The following MTM1 variants were observed in gnomAD, a reference collection of about 807,000 sequenced individuals.
MTM1 encodes the protein myotubularin 1.
MTM1 carries 9 observed loss-of-function variants against 52.1 expected under a neutral mutation model. The ratio of observed to expected loss-of-function variants is 0.17; its 90% CI spans 0.10 to 0.30. The LOEUF (loss-of-function observed/expected upper bound fraction) is 0.30. Among genes scored for constraint, MTM1 ranks in the 10% least tolerant of loss-of-function variants. The probability of loss-of-function intolerance (pLI) is 1.00; values close to 1 mark genes in which losing one functional copy is unlikely to be tolerated. For missense variants in MTM1, 277 were observed against 470.7 expected (o/e 0.59, Z 3.81); for synonymous variants, 136 against 163.8 (o/e 0.83, Z 1.29).
intron 4 of MTM1, among the ~76,000 whole-genome samples, chrX:150,613,136 TA>T (rs782155099): frequency 0.013 from 1,131 of 90,294 alleles, 15 homozygotes; most frequent in African/African-American, 0.035. Context: ...ACTTATCTCT[TA>T]AAAAAAAAAA....
In MTM1 at chrX:150,583,648, TTA is replaced by T. The variant is rs1222049832; in HGVS notation, c.-10-8949_-10-8948del. Among the ~76,000 whole-genome samples, 90 of 37,358 alleles carry T rather than the reference TTA, an allele frequency of 2.4e-3. 9 individuals carry two copies. Among genetic ancestry groups the T allele is most frequent in the African/African-American group, 7.4e-3 (67 of 9,101 alleles). 32.4% of individuals were successfully genotyped at this position (37,358 alleles called of 115,157 possible). A position where few individuals can be genotyped will look rare whatever the true frequency, so the allele number is the denominator to read the frequency against. The stretch of plus-strand genomic sequence containing the variant: ...ATATAATTTATATATAATATATAAT[TTA>T]TATATATTATATATAATTTATATAT... On this transcript the variant is annotated intron_variant, in intron 1 of 14. Transcript: ENST00000370396.
intron 1 of MTM1, among the ~76,000 whole-genome samples, chrX:150,569,110 C>A (rs1216863059): frequency 8.8e-6 from 1 of 113,785 alleles, no homozygotes; most frequent in African/African-American, 3.2e-5. Flanking sequence ...CGTCGCATCC[C>A]CGGTGGGCCC....
At chrX:150,637,664 G>A (rs1557413727) in intron 6 of MTM1, among the ~76,000 whole-genome samples, 1 of 112,146 alleles carries the variant, frequency 8.9e-6, no homozygotes. Context: ...GTCGGAGAAG[G>A]TCTTACTGAT....
At chrX:150,665,854 A>G (rs1557414913) in intron 14 of MTM1, among the ~76,000 whole-genome samples, 1 of 112,366 alleles carries the variant, frequency 8.9e-6, no homozygotes, top group Non-Finnish European at 1.9e-5. Flanking sequence ...TGTCAAAAGC[A>G]TAGTCATATT....
At chrX:150,596,230 C>G (rs1281393737) in intron 2 of MTM1, among the ~76,000 whole-genome samples, 1 of 111,869 alleles carries the variant, frequency 8.9e-6, no homozygotes, top group African/African-American at 3.3e-5. Flanking sequence ...AAGCTGTTAA[C>G]TTTAAAGTGC....
intron 6 of MTM1, among the ~76,000 whole-genome samples, chrX:150,624,660 A>AAATAG (rs1485321410): frequency 8.9e-6 from 1 of 112,103 alleles, no homozygotes; most frequent in Non-Finnish European, 1.9e-5. Flanking sequence ...CAGCATTTTA[A>AAATAG]AATAGAATAG....
Position 150,671,803 on chromosome X carries a change from T to C in MTM1, c.*208T>C. On this transcript the variant is annotated 3_prime_UTR_variant, in exon 15 of 15. Transcript: ENST00000370396. ...GGCAATCAGAAGAAAGGAGCTGAGA[T>C]GAGGTTTTGGAAAACCCTGACACCT... 1 of 465,864 alleles carries C rather than the reference T, an allele frequency of 2.1e-6. No homozygotes were observed. Among genetic ancestry groups the C allele is most frequent in the Non-Finnish European group, 3.6e-6 (1 of 280,181 alleles). The allele number at this position is 465,864 out of a possible 1,213,427, so 38.4% of individuals were successfully genotyped here. A position where few individuals can be genotyped will look rare whatever the true frequency, so the allele number is the denominator to read the frequency against.
At chrX:150,670,436 C>A (rs2040377407) in intron 14 of MTM1, among the ~76,000 whole-genome samples, 1 of 112,125 alleles carries the variant, frequency 8.9e-6, no homozygotes, top group African/African-American at 3.2e-5. Context: ...GGGGGCAAAC[C>A]CAGCATTCAT....
rs782215359 is a variant in MTM1, at chrX:150,589,993, A to AATTC, written c.-10-2608_-10-2605dup. On this transcript the variant is annotated intron_variant, in intron 1 of 14. Coordinates refer to ENST00000370396, the MANE Select transcript of MTM1 (RefSeq NM_000252.3). ...GTTCCAAGCCCTGCATGAATGTATT[A>AATTC]ATTCATTTGTTTCACCTAATAATGT... Among the ~76,000 whole-genome samples the AATTC allele has an allele frequency of 4.0e-3, 449 of 111,704 alleles. 3 individuals are homozygous for AATTC. Among genetic ancestry groups the AATTC allele is most frequent in the Non-Finnish European group, 5.8e-3 (308 of 53,163 alleles).
intron 1 of MTM1, among the ~76,000 whole-genome samples, chrX:150,570,423 T>G (rs993317932): frequency 1.8e-5 from 2 of 111,748 alleles, no homozygotes; most frequent in Non-Finnish European, 3.8e-5. Context: ...AGTAAATCTC[T>G]GAATCAAAGA....
At chrX:150,670,825 C>T (rs781861749) in intron 14 of MTM1, among the ~76,000 whole-genome samples, 3 of 111,432 alleles carry the variant, frequency 2.7e-5, no homozygotes, top group African/African-American at 6.5e-5. Flanking sequence ...AACACACTAC[C>T]GAGGAGCCCT....
At chrX:150,573,779 A>G (rs187883459) in intron 1 of MTM1, among the ~76,000 whole-genome samples, 2 of 112,052 alleles carry the variant, frequency 1.8e-5, no homozygotes, top group East Asian at 5.6e-4. Flanking sequence ...CTATGCTGGA[A>G]TCCAGCAGGC....
chrX:150,670,976 T>C (rs1275247350), intron 14 of MTM1, among the ~76,000 whole-genome samples: 1 of 112,020 alleles, frequency 8.9e-6, no homozygotes, highest in Non-Finnish European at 1.9e-5. Flanking sequence ...ACCAGTGATG[T>C]AAACTTTGAT....
intron 1 of MTM1, among the ~76,000 whole-genome samples, chrX:150,577,682 C>T (rs1299557707): frequency 8.9e-6 from 1 of 112,308 alleles, no homozygotes; most frequent in Non-Finnish European, 1.9e-5. Context: ...AGTACTTCAT[C>T]AGATATGTGA....
chrX:150,590,974 A>G lies in MTM1; in HGVS notation c.-10-1631A>G, dbSNP rs192545669. 15 of 692,808 alleles carry G rather than the reference A, an allele frequency of 2.2e-5. No individual in the cohort carries two copies. The East Asian group carries it at 2.4e-3, about 109-fold the overall frequency. The allele number at this position is 692,808 out of a possible 1,213,427, so 57.1% of individuals were successfully genotyped here. On this transcript the variant is annotated intron_variant, in intron 1 of 14. Transcript: ENST00000370396. ...AGAGCAGATACATCTGACTTGCTCC[A>G]TAGTTCATCTCATCCATTCTGCTAT...
rs1434346986 is a variant in MTM1, at chrX:150,651,260, A to G, written c.1053+1359A>G. 2.8e-5 allele frequency among the ~76,000 whole-genome samples: 3 copies of G among 107,172 alleles called. No homozygotes were observed. The Admixed American group carries it at 3.1e-4, about 11-fold the overall frequency. The allele number at this position is 107,172 out of a possible 115,157, so 93.1% of individuals were successfully genotyped here. On this transcript the variant is annotated intron_variant, in intron 10 of 14. Coordinates refer to ENST00000370396, the MANE Select transcript of MTM1 (RefSeq NM_000252.3). The stretch of plus-strand genomic sequence containing the variant: ...GCTATAGAAAGTTCCCATATACCCA[A>G]CCGAGTTTTTCTTCTTATTGACGTC...
intron 6 of MTM1, among the ~76,000 whole-genome samples, chrX:150,631,918 T>C (rs181831172): frequency 5.8e-3 from 651 of 111,812 alleles, no homozygotes; most frequent in Non-Finnish European, 9.2e-3. Context: ...TTCTAAGAGG[T>C]TCTCGTTGCA....
chrX:150,583,285 A>T lies in MTM1; in HGVS notation c.-10-9320A>T, dbSNP rs1360367454. On this transcript the variant is annotated intron_variant, in intron 1 of 14. Coordinates refer to ENST00000370396, the MANE Select transcript of MTM1 (RefSeq NM_000252.3). ...TATAAATTATATATAAATTATAAATATATATAAATTATATATATTATATAT... is the reference window on the plus strand; with the variant it reads ...TATAAATTATATATAAATTATAAATTTATATAAATTATATATATTATATAT... 2.0e-3 allele frequency among the ~76,000 whole-genome samples: 111 copies of T among 55,798 alleles called. 3 individuals carry two copies. The highest frequency in any genetic ancestry group is 3.6e-3 in the Admixed American group (10 of 2,794). The allele number at this position is 55,798 out of a possible 115,157, so 48.5% of individuals were successfully genotyped here. A position where few individuals can be genotyped will look rare whatever the true frequency, so the allele number is the denominator to read the frequency against.
At chrX:150,627,108 G>A (rs797032403) in intron 6 of MTM1, among the ~76,000 whole-genome samples, 1 of 111,099 alleles carries the variant, frequency 9.0e-6, no homozygotes, top group South Asian at 3.8e-4. Flanking sequence ...TTCCCCGCTC[G>A]CATCCATTCA....
Sources: gnomAD v4.1 joint callset for allele counts (sites outside exome capture counted in the v4.1 genomes callset) on GRCh38, gnomAD v4.1.1 for gene constraint, MANE v1.5 for transcripts, NCBI Gene and HGNC (gene_info 2026-07-23, HGNC 2026-07-21) for gene names.